The following PPFIBP1 variants were observed in gnomAD, a reference collection of about 807,000 sequenced individuals.
PPFIBP1 encodes PPFIB scaffold protein 1, also known as liprin-beta-1.
In PPFIBP1, 112 loss-of-function variants were observed where a neutral mutation model predicts 137.8. The ratio of observed to expected loss-of-function variants is 0.81; its 90% CI spans 0.70 to 0.95. The LOEUF (loss-of-function observed/expected upper bound fraction) is 0.95. PPFIBP1 is among the 40% of genes least tolerant of loss of function. PPFIBP1 has a pLI of 0.00. For synonymous variants in PPFIBP1, 378 were observed against 417.3 expected (o/e 0.91, Z 1.15); for missense variants, 1,083 against 1,196.6 (o/e 0.91, Z 1.40).
intron 3 of PPFIBP1, among the ~76,000 whole-genome samples, chr12:27,633,821 A>G (rs1354668830): frequency 6.7e-6 from 1 of 148,236 alleles, no homozygotes; most frequent in Non-Finnish European, 1.5e-5. Flanking sequence ...ACTTTCCACC[A>G]ATGACTCCCG....
At chr12:27,615,651 C>A (rs1416340583) in intron 2 of PPFIBP1, among the ~76,000 whole-genome samples, 1 of 152,188 alleles carries the variant, frequency 6.6e-6, no homozygotes, top group Non-Finnish European at 1.5e-5. Context: ...CTGGTTTAAT[C>A]TCATTTTACA....
At position 27,689,082 on chromosome 12, in the gene PPFIBP1, T is replaced by G; in HGVS notation, c.2564T>G (p.Leu855Trp). Residue 855 changes from leucine (L) to tryptophan (W), a missense_variant, in exon 27 of 30, where the codon TTG becomes TGG. Physicochemically the swap from Leu to Trp is moderately conservative, Grantham distance 61 (BLOSUM62 -2). Coordinates refer to ENST00000228425, the MANE Select transcript of PPFIBP1 (RefSeq NM_003622.4). Reference protein sequence around the residue: ...QLLNIPPNKTLLRRHLATHFN... With the variant: ...QLLNIPPNKTWLRRHLATHFN... ...TTGAACATCCCACCCAATAAGACTT[T>G]GCTGCGAAGACATTTGGCCACTCAT... is the stretch of plus-strand genomic sequence containing the variant. The G allele has an allele frequency of 6.2e-7, 1 of 1,613,616 alleles. No homozygotes were observed.
chr12:27,594,217 A>G (rs1282426588), intron 2 of PPFIBP1, among the ~76,000 whole-genome samples: 1 of 125,904 alleles, frequency 7.9e-6, no homozygotes, highest in African/African-American at 3.1e-5. Context: ...TCACTCTGTC[A>G]TCCAGGCTGG....
chr12:27,692,224 T>G (rs918982556), intron 28 of PPFIBP1, among the ~76,000 whole-genome samples: 1 of 152,200 alleles, frequency 6.6e-6, no homozygotes, highest in Non-Finnish European at 1.5e-5. Context: ...ACCTGTCTCT[T>G]TGGCTCCAAA....
intron 1 of PPFIBP1, among the ~76,000 whole-genome samples, chr12:27,536,626 C>G (rs995179670): frequency 2.4e-4 from 37 of 152,328 alleles, no homozygotes; most frequent in African/African-American, 8.4e-4. Context: ...GCCCCACCCC[C>G]AACAGTGGGA....
rs2061709225 is a variant in PPFIBP1, at chr12:27,695,168, G to C, written c.*2286G>C. ...GTCTTGCTCTGTTGCCCAGGCTGGAGTGCAGTGGCACAATCTCAGCTCACT... is the reference window on the plus strand; with the variant it reads ...GTCTTGCTCTGTTGCCCAGGCTGGACTGCAGTGGCACAATCTCAGCTCACT... On this transcript the variant is annotated 3_prime_UTR_variant, in exon 30 of 30. Coordinates refer to ENST00000228425, the MANE Select transcript of PPFIBP1 (RefSeq NM_003622.4). 2 of 150,800 alleles carry C rather than the reference G, an allele frequency of 1.3e-5. No homozygotes were observed. Among genetic ancestry groups the C allele is most frequent in the South Asian group, 2.1e-4 (1 of 4,784 alleles). 9.3% of individuals were successfully genotyped at this position (150,800 alleles called of 1,614,324 possible).
At chr12:27,687,541 A>G in intron 25 of PPFIBP1, 34 bp downstream of exon 25, 2 of 1,608,832 alleles carry the variant, frequency 1.2e-6, no homozygotes, top group Non-Finnish European at 8.5e-7. Flanking sequence ...ATAAGCATGC[A>G]CTTCCCAGGC....
intron 2 of PPFIBP1, 42 bp from the exon 3 acceptor site, chr12:27,633,320 A>T: frequency 7.5e-7 from 1 of 1,341,328 alleles, no homozygotes; most frequent in Admixed American, 1.7e-5. Flanking sequence ...TAGCAAGCCT[A>T]TGTCATTTAA....
Position 27,526,625 on chromosome 12 carries a change from G to A in PPFIBP1, c.-124+2260G>A, listed in dbSNP as rs143969753. ...GAGGCACGCAGATCACCTGAGGTCAGGAGTTGGAGACCAGCCTGGCTAACA... is the reference window on the plus strand; with the variant it reads ...GAGGCACGCAGATCACCTGAGGTCAAGAGTTGGAGACCAGCCTGGCTAACA... On this transcript the variant is annotated intron_variant, in intron 1 of 29. Coordinates refer to ENST00000228425, the MANE Select transcript of PPFIBP1 (RefSeq NM_003622.4). Among the ~76,000 whole-genome samples, 412 of 152,268 alleles carry A rather than the reference G, an allele frequency of 2.7e-3. 1 individual carries two copies. Among genetic ancestry groups the A allele is most frequent in the African/African-American group, 9.3e-3 (385 of 41,532 alleles).
intron 13 of PPFIBP1, among the ~76,000 whole-genome samples, chr12:27,670,369 A>G (rs1193794132): frequency 6.6e-6 from 1 of 152,226 alleles, no homozygotes; most frequent in African/African-American, 2.4e-5. Flanking sequence ...ATTGGTTTTA[A>G]TTACACTTTT....
At chr12:27,557,762 A>G (rs183227222) in intron 1 of PPFIBP1, among the ~76,000 whole-genome samples, 12 of 152,340 alleles carry the variant, frequency 7.9e-5, no homozygotes, top group Admixed American at 7.2e-4. Flanking sequence ...CATTTTGTCT[A>G]TTTAAGTGCT....
intron 6 of PPFIBP1, 53 bp from the exon 7 acceptor site, chr12:27,649,957 C>G: frequency 2.0e-6 from 3 of 1,515,840 alleles, no homozygotes; most frequent in Non-Finnish European, 2.7e-6. Context: ...GGTAAATTCA[C>G]GTGCCTGTTT....
At chr12:27,653,214 A>C (rs1439681985) in intron 7 of PPFIBP1, among the ~76,000 whole-genome samples, 2 of 152,208 alleles carry the variant, frequency 1.3e-5, no homozygotes. Flanking sequence ...TTCTACTTGT[A>C]ATTTTTGGCA....
intron 19 of PPFIBP1, among the ~76,000 whole-genome samples, chr12:27,678,727 G>A (rs140116809): frequency 2.6e-5 from 4 of 151,892 alleles, no homozygotes; most frequent in South Asian, 2.1e-4. Context: ...GTGTGGTGGC[G>A]GGTGCCTGTA....
intron 2 of PPFIBP1, among the ~76,000 whole-genome samples, chr12:27,579,982 G>A (rs2050934938): frequency 2.6e-5 from 4 of 152,200 alleles, no homozygotes; most frequent in Admixed American, 2.6e-4. Context: ...CATGGTACAG[G>A]AAGGGACTAT....
At chr12:27,634,310 C>T (rs866131628) in intron 3 of PPFIBP1, among the ~76,000 whole-genome samples, 1 of 152,082 alleles carries the variant, frequency 6.6e-6, no homozygotes, top group Admixed American at 6.5e-5. Flanking sequence ...TACAGGCACA[C>T]GCCACTGCAC....
intron 4 of PPFIBP1, among the ~76,000 whole-genome samples, chr12:27,640,454 A>G (rs890346235): frequency 2.0e-5 from 3 of 152,228 alleles, no homozygotes; most frequent in African/African-American, 2.4e-5. Context: ...AGTTGCTGCT[A>G]TACTGAGATA....
At chr12:27,542,877 A>G (rs1945821169) in intron 1 of PPFIBP1, among the ~76,000 whole-genome samples, 1 of 152,164 alleles carries the variant, frequency 6.6e-6, no homozygotes, top group Admixed American at 6.6e-5. Context: ...CTTGAAGGGC[A>G]ATAACCCTTC....
chr12:27,654,695 T>C (rs368761069), intron 7 of PPFIBP1, 27 bp from the exon 8 acceptor site: 5 of 1,602,080 alleles, frequency 3.1e-6, no homozygotes, highest in East Asian at 2.2e-5. Context: ...ACTTTCCTAA[T>C]GTACTTTCTT....
Sources: allele counts gnomAD v4.1 joint callset (sites outside exome capture counted in the v4.1 genomes callset), GRCh38; gene constraint gnomAD v4.1.1; transcripts MANE v1.5; gene names NCBI Gene and HGNC (gene_info 2026-07-23, HGNC 2026-07-21).